CLNK: variants seen among roughly 807,000 people sequenced by gnomAD.
CLNK encodes cytokine-dependent hematopoietic cell linker.
Under a neutral mutation model 68.6 loss-of-function variants are expected in CLNK, and 74 were observed. The observed-to-expected ratio is 1.08, with a 90% CI of 0.89 to 1.31. The LOEUF is 1.31. CLNK is among the 50% of genes most tolerant of loss of function. The pLI is 0.00. For synonymous variants in CLNK, 198 were observed against 172.2 expected (o/e 1.15, Z -1.17); for missense variants, 553 against 515.3 (o/e 1.07, Z -0.71).
At chr4:10,734,269 G>T in the CLNK span, among the ~76,000 whole-genome samples, 1 of 152,210 alleles carries the variant, frequency 6.6e-6, no homozygotes, top group Non-Finnish European at 1.5e-5. Context: ...TTTGTTGCAT[G>T]CAATGCTATA....
intron 3 of CLNK, among the ~76,000 whole-genome samples, chr4:10,588,097 A>T (rs762478404): frequency 6.6e-6 from 1 of 152,214 alleles, no homozygotes; most frequent in African/African-American, 2.4e-5. Flanking sequence ...TGACATGGGA[A>T]GTGGAAATGA....
chr4:10,575,283 C>T (rs919240984), intron 4 of CLNK, among the ~76,000 whole-genome samples: 68 of 152,222 alleles, frequency 4.5e-4, no homozygotes, highest in African/African-American at 1.6e-3. Flanking sequence ...CCAGCCTCTC[C>T]TTGAGTCTGC....
chr4:10,522,679 A>G (rs1177937722), intron 14 of CLNK, among the ~76,000 whole-genome samples: 1 of 152,210 alleles, frequency 6.6e-6, no homozygotes, highest in Non-Finnish European at 1.5e-5. Flanking sequence ...GGGAATAGAC[A>G]ATAAAGAAGA....
At chr4:10,661,366 G>A (rs1421279463) in intron 2 of CLNK, among the ~76,000 whole-genome samples, 2 of 152,156 alleles carry the variant, frequency 1.3e-5, no homozygotes, top group African/African-American at 2.4e-5. Context: ...CCTCTAATGG[G>A]CAAAACAGTC....
chr4:10,636,848 G>A (rs1487090633), intron 2 of CLNK, among the ~76,000 whole-genome samples: 1 of 152,206 alleles, frequency 6.6e-6, no homozygotes, highest in Non-Finnish European at 1.5e-5. Flanking sequence ...TTTTGTAGGG[G>A]AGGTCTTTTA....
Position 10,602,118 on chromosome 4 carries a change from C to G in CLNK, c.12-4069G>C, listed in dbSNP as rs189042777. Among the ~76,000 whole-genome samples, 6 of 152,338 alleles carry G rather than the reference C, an allele frequency of 3.9e-5. No individual in the cohort carries two copies. The East Asian group carries it at 1.2e-3, about 29-fold the overall frequency. ...GCATTGATCTTTGATTTCCTTTTCA[C>G]TTTCCGCATCTCCCTCCTGCATGAC... On this transcript the variant is annotated intron_variant, in intron 2 of 18. Coordinates refer to ENST00000226951, the MANE Select transcript of CLNK (RefSeq NM_052964.4).
chr4:10,530,905 C>A (rs1487352997), intron 12 of CLNK, among the ~76,000 whole-genome samples: 1 of 152,156 alleles, frequency 6.6e-6, no homozygotes, highest in East Asian at 1.9e-4. Flanking sequence ...CTGGTGAAGT[C>A]CTCAGTGGAA....
chr4:10,555,409 C>G (rs572119840), intron 8 of CLNK, among the ~76,000 whole-genome samples: 1 of 152,288 alleles, frequency 6.6e-6, no homozygotes, highest in East Asian at 1.9e-4. Flanking sequence ...AAAATTATAG[C>G]TATTCCTATC....
chr4:10,511,940 T>C (rs1027080713), intron 16 of CLNK, among the ~76,000 whole-genome samples: 4 of 152,020 alleles, frequency 2.6e-5, no homozygotes, highest in Admixed American at 1.3e-4. Flanking sequence ...TTAACCAGAG[T>C]AGTGATATAA....
intron 2 of CLNK, among the ~76,000 whole-genome samples, chr4:10,647,463 C>T (rs982627835): frequency 6.6e-6 from 1 of 152,116 alleles, no homozygotes; most frequent in Non-Finnish European, 1.5e-5. Flanking sequence ...TGTTCATTTT[C>T]TTTTATTTGT....
chr4:10,581,992 A>G (rs1720801435), intron 4 of CLNK, among the ~76,000 whole-genome samples: 1 of 152,222 alleles, frequency 6.6e-6, no homozygotes, highest in Non-Finnish European at 1.5e-5. Context: ...TATGCCTGCC[A>G]AAGAGCGTAA....
At chr4:10,652,284 A>G (rs1723773674) in intron 2 of CLNK, among the ~76,000 whole-genome samples, 1 of 150,374 alleles carries the variant, frequency 6.7e-6, no homozygotes, top group South Asian at 2.1e-4. Flanking sequence ...TGGGATGCTG[A>G]GACAAGAGAA....
At chr4:10,700,358 T>A in the CLNK span, among the ~76,000 whole-genome samples, 14 of 152,328 alleles carry the variant, frequency 9.2e-5, no homozygotes, top group South Asian at 2.9e-3. Flanking sequence ...AACCTTGGAA[T>A]CAAAGCCTGT....
chr4:10,682,004 A>G (rs1357429599), intron 1 of CLNK, among the ~76,000 whole-genome samples: 1 of 152,220 alleles, frequency 6.6e-6, no homozygotes, highest in Non-Finnish European at 1.5e-5. Context: ...AGACATGATT[A>G]AAATTAAGCA....
chr4:10,587,651 T>C (rs17383130), intron 3 of CLNK, among the ~76,000 whole-genome samples: 27,186 of 152,154 alleles, frequency 0.18, 2,726 homozygotes, highest in African/African-American at 0.26. Context: ...CTGCCTTCTG[T>C]TCACCATTTT....
At chr4:10,565,443 G>C (rs1275296467) in intron 6 of CLNK, among the ~76,000 whole-genome samples, 5 of 152,200 alleles carry the variant, frequency 3.3e-5, no homozygotes, top group African/African-American at 7.2e-5. Flanking sequence ...TGCTGAAGCT[G>C]CCCTTTGTGC....
At chr4:10,618,540 A>G (rs1722315467) in intron 2 of CLNK, among the ~76,000 whole-genome samples, 1 of 152,344 alleles carries the variant, frequency 6.6e-6, no homozygotes, top group South Asian at 2.1e-4. Flanking sequence ...ATGCTGTTTT[A>G]GTTTATTCTT....
chr4:10,633,788 T>C (rs1722979682), intron 2 of CLNK, among the ~76,000 whole-genome samples: 1 of 152,248 alleles, frequency 6.6e-6, no homozygotes, highest in South Asian at 2.1e-4. Flanking sequence ...ATTGCCATAA[T>C]CAGTGCTAGA....
At position 10,564,738 on chromosome 4, in the gene CLNK, G is replaced by A. The variant is rs1720035876; in HGVS notation, c.332C>T (p.Pro111Leu). Residue 111 changes from proline (P) to leucine (L), a missense_variant, in exon 7 of 19, where the codon CCG (proline) becomes CTG (leucine). Transcript: ENST00000226951. ...YFKVAMDTPL[P>L]LDTRTSISIG... ...GGAGATAGAGGTCCTGGTGTCTAAC[G>A]GAAGGGGAGTGTCCATTGCAACCTT... is the stretch of plus-strand genomic sequence containing the variant. 8 of 1,613,534 alleles carry A rather than the reference G, an allele frequency of 5.0e-6. No homozygotes were observed. The East Asian group carries it at 8.9e-5, about 18-fold the overall frequency.
Sources: gnomAD v4.1 joint callset for allele counts (sites outside exome capture counted in the v4.1 genomes callset) on GRCh38, gnomAD v4.1.1 for gene constraint, MANE v1.5 for transcripts, NCBI Gene and HGNC (gene_info 2026-07-23, HGNC 2026-07-21) for gene names.